MAGI1: variants seen among roughly 807,000 people sequenced by gnomAD.
MAGI1 encodes the protein membrane associated guanylate kinase, WW and PDZ domain containing 1.
In MAGI1, 58 loss-of-function variants were observed where a neutral mutation model predicts 139.9. That is an observed-to-expected ratio of 0.41 (90% CI 0.34 to 0.52). The LOEUF is 0.52. Among genes scored for constraint, MAGI1 ranks in the 20% least tolerant of loss-of-function variants. The probability of loss-of-function intolerance (pLI) is 0.12; values close to 1 mark genes in which losing one functional copy is unlikely to be tolerated. For synonymous variants in MAGI1, 812 were observed against 737.9 expected (o/e 1.10, Z -1.63); for missense variants, 1,874 against 1,901.6 (o/e 0.99, Z 0.27).
chr3:65,707,689 C>CAAA (rs57489811), intron 1 of MAGI1, among the ~76,000 whole-genome samples: 211 of 88,084 alleles, frequency 2.4e-3, no homozygotes, highest in Non-Finnish European at 4.2e-3. Flanking sequence ...TACCCTATCT[C>CAAA]AAAAAAAAAA....
chr3:65,841,453 GTTTTTT>G (rs56049843), intron 1 of MAGI1, among the ~76,000 whole-genome samples: 8 of 147,410 alleles, frequency 5.4e-5, no homozygotes, highest in African/African-American at 1.3e-4. Context: ...TTTTGTTTTT[GTTTTTT>G]TTTTGAGATG....
At chr3:66,027,202 A>G (rs1449227263) in intron 1 of MAGI1, among the ~76,000 whole-genome samples, 1 of 151,860 alleles carries the variant, frequency 6.6e-6, no homozygotes, top group East Asian at 1.9e-4. Flanking sequence ...CCAGAGGTGG[A>G]GCTTGCAGCG....
chr3:65,466,059 T>A (rs1286472140), intron 5 of MAGI1, among the ~76,000 whole-genome samples: 1 of 152,226 alleles, frequency 6.6e-6, no homozygotes, highest in East Asian at 1.9e-4. Flanking sequence ...TATTTTTCAG[T>A]TGAAAATTTT....
At chr3:65,573,782 G>T (rs1024286755) in intron 2 of MAGI1, among the ~76,000 whole-genome samples, 2 of 152,230 alleles carry the variant, frequency 1.3e-5, no homozygotes, top group Middle Eastern at 3.4e-3. Context: ...GAATAGAAAA[G>T]GAAGATGTAA....
intron 1 of MAGI1, among the ~76,000 whole-genome samples, chr3:66,006,623 T>C (rs2067027495): frequency 6.6e-6 from 1 of 152,204 alleles, no homozygotes; most frequent in African/African-American, 2.4e-5. Flanking sequence ...GATCATCCTA[T>C]GGTACCAGAA....
At chr3:66,003,150 G>A (rs2066836847) in intron 1 of MAGI1, among the ~76,000 whole-genome samples, 2 of 152,186 alleles carry the variant, frequency 1.3e-5, no homozygotes, top group South Asian at 2.1e-4. Flanking sequence ...GAACAGGGCA[G>A]TTGGTGCAAA....
chr3:65,586,483 G>C (rs1037326458), intron 2 of MAGI1, among the ~76,000 whole-genome samples: 2 of 152,114 alleles, frequency 1.3e-5, no homozygotes, highest in African/African-American at 4.8e-5. Context: ...TTACATGATT[G>C]TATGCAACTG....
At chr3:65,583,239 T>C (rs2081521879) in intron 2 of MAGI1, among the ~76,000 whole-genome samples, 1 of 152,264 alleles carries the variant, frequency 6.6e-6, no homozygotes, top group Admixed American at 6.5e-5. Context: ...CTCTCCCAAG[T>C]TGTTATTGCT....
rs150601166 is a variant in MAGI1 at position 65,537,749 on chromosome 3, T to C, written c.431-44118A>G. On this transcript the variant is annotated intron_variant, in intron 2 of 22. Transcript: ENST00000402939. ...AAAGGAAACAATTGTTATTTAATAG[T>C]CAAATTAGGATCTCATGCTGTTCCC... Among the ~76,000 whole-genome samples the C allele has an allele frequency of 9.0e-3, 1,374 of 152,246 alleles. 9 individuals are homozygous for C. Among genetic ancestry groups the C allele is most frequent in the Non-Finnish European group, 0.013 (881 of 68,008 alleles).
Position 65,844,490 on chromosome 3 carries a change from C to T in MAGI1, c.313+193506G>A, listed in dbSNP as rs565280236. The stretch of plus-strand genomic sequence containing the variant: ...CCAAGTAAAACAATTTTAAATGTCT[C>T]GAGAACACTACAAGCTATGTCCTCT... On this transcript the variant is annotated intron_variant, in intron 1 of 22. Transcript: ENST00000402939. The T allele has an allele frequency of 4.0e-5, 13 of 321,650 alleles. No individual in the cohort carries two copies. In the East Asian group the frequency reaches 1.1e-3, roughly 28 times the overall value. 19.9% of individuals were successfully genotyped at this position (321,650 alleles called of 1,614,324 possible).
At chr3:65,889,503 A>G (rs2060656924) in intron 1 of MAGI1, among the ~76,000 whole-genome samples, 1 of 152,108 alleles carries the variant, frequency 6.6e-6, no homozygotes, top group Non-Finnish European at 1.5e-5. Context: ...CTTGAATACC[A>G]CTGGTGACGT....
intron 1 of MAGI1, among the ~76,000 whole-genome samples, chr3:65,711,680 G>T (rs1434758809): frequency 6.6e-6 from 1 of 152,148 alleles, no homozygotes; most frequent in Admixed American, 6.5e-5. Flanking sequence ...AAAAGAGGAG[G>T]TTAGGACAAG....
intron 14 of MAGI1, chr3:65,387,112 G>A (rs756981892): frequency 6.4e-6 from 10 of 1,567,372 alleles, no homozygotes; most frequent in South Asian, 5.6e-5. Flanking sequence ...GAATGAAAAC[G>A]GAGAGACAAA....
intron 1 of MAGI1, among the ~76,000 whole-genome samples, chr3:65,836,438 G>A (rs2042807702): frequency 6.6e-6 from 1 of 152,148 alleles, no homozygotes; most frequent in African/African-American, 2.4e-5. Flanking sequence ...TAAGGATCGT[G>A]AATAAAGGAC....
intron 1 of MAGI1, among the ~76,000 whole-genome samples, chr3:65,817,661 T>C (rs1331331026): frequency 6.6e-6 from 1 of 152,220 alleles, no homozygotes; most frequent in Non-Finnish European, 1.5e-5. Context: ...TTAATGACAC[T>C]GAAAATGTGT....
intron 4 of MAGI1, 37 bp from the exon 5 acceptor site, chr3:65,470,521 GAGAA>G: frequency 8.8e-7 from 1 of 1,137,642 alleles, no homozygotes. Context: ...GAGAGAGAGA[GAGAA>G]AAAAAAAAAA....
chr3:65,922,564 T>C (rs147631480), intron 1 of MAGI1, among the ~76,000 whole-genome samples: 1 of 152,290 alleles, frequency 6.6e-6, no homozygotes, highest in East Asian at 1.9e-4. Context: ...AAAGGATCTA[T>C]AGATCCTTCA....
Position 65,954,170 on chromosome 3 carries a change from C to T in MAGI1, c.313+83826G>A, listed in dbSNP as rs2063999747. Among the ~76,000 whole-genome samples the T allele has an allele frequency of 2.6e-5, 4 of 152,096 alleles. No individual in the cohort carries two copies. The South Asian group carries it at 8.3e-4, about 31-fold the overall frequency. On this transcript the variant is annotated intron_variant, in intron 1 of 22. Transcript: ENST00000402939. ...CCTGGATCGTTCTCAGATTAACAAC[C>T]TTGGGGGAATAATCCTATAAGAAAA...
At chr3:65,611,874 C>G (rs1428802217) in intron 2 of MAGI1, among the ~76,000 whole-genome samples, 2 of 151,666 alleles carry the variant, frequency 1.3e-5, no homozygotes, top group Non-Finnish European at 2.9e-5. Context: ...ACTTTATTAG[C>G]CTCAGTTTCC....
Sources: allele counts gnomAD v4.1 joint callset (sites outside exome capture counted in the v4.1 genomes callset), GRCh38; gene constraint gnomAD v4.1.1; transcripts MANE v1.5; gene names NCBI Gene and HGNC (gene_info 2026-07-23, HGNC 2026-07-21).